Variants in COL8A2 observed in about 807,000 individuals in gnomAD.
COL8A2 encodes the protein collagen alpha-2(VIII) chain.
A neutral mutation model predicts 24.0 loss-of-function variants in COL8A2; 16 were observed. The observed-to-expected ratio is 0.67, with a 90% CI of 0.45 to 1.01. The LOEUF (loss-of-function observed/expected upper bound fraction) is 1.01, where lower values mean the gene tolerates loss of function less well. Ranked by LOEUF, COL8A2 falls within the 50% of genes least tolerant of loss-of-function variation. The pLI is 0.00. For missense variants in COL8A2, 818 were observed against 942.4 expected, an observed-to-expected ratio of 0.87 and a Z score of 1.73; for synonymous variants, 466 against 424.5, an observed-to-expected ratio of 1.10 and a Z score of -1.20.
At chr1:36,105,562 G>A (rs1253021593) in intron 2 of COL8A2, among the ~76,000 whole-genome samples, 1 of 152,232 alleles carries the variant, frequency 6.6e-6, no homozygotes, top group Non-Finnish European at 1.5e-5. Flanking sequence ...ACCCACCGGG[G>A]AATGCTGCTG....
intron 1 of COL8A2, among the ~76,000 whole-genome samples, chr1:36,122,245 A>G (rs1643919367): frequency 6.6e-6 from 1 of 152,094 alleles, no homozygotes; most frequent in African/African-American, 2.4e-5. Context: ...CATTTTAGAG[A>G]TGGGGAAACT....
intron 2 of COL8A2, among the ~76,000 whole-genome samples, chr1:36,100,729 C>T (rs1357781174): frequency 6.6e-6 from 1 of 152,064 alleles, no homozygotes; most frequent in Non-Finnish European, 1.5e-5. Flanking sequence ...TTGTCATCTC[C>T]ATTTTCCAGA....
At chr1:36,121,388 CAAAAAAAAAAAA>C (rs57902365) in intron 1 of COL8A2, among the ~76,000 whole-genome samples, 1 of 47,636 alleles carries the variant, frequency 2.1e-5, no homozygotes. Context: ...GACTCTGTCT[CAAAAAAAAAAAA>C]AAAAAAAAAA....
chr1:36,120,674 G>A (rs1486017713), intron 1 of COL8A2, among the ~76,000 whole-genome samples: 5 of 151,608 alleles, frequency 3.3e-5, no homozygotes, highest in Admixed American at 6.6e-5. Context: ...CTTGAACCCG[G>A]GAGGCAGAGG....
Position 36,115,842 on chromosome 1 carries a change from G to T in COL8A2, c.-61-90C>A. 2 of 730,622 alleles carry T rather than the reference G, an allele frequency of 2.7e-6. No homozygotes were observed. The highest frequency in any genetic ancestry group is 3.3e-6 in the Non-Finnish European group (2 of 597,394). The allele number at this position is 730,622 out of a possible 1,614,324, so 45.3% of individuals were successfully genotyped here. On this transcript the variant is annotated intron_variant, in intron 1 of 3. Coordinates refer to ENST00000397799, the MANE Select transcript of COL8A2 (RefSeq NM_005202.4). The surrounding 1 kb of genome is among the most constrained non-coding windows in gnomAD (Gnocchi z 5.7). ...TTTGGGAGGCTAAGGTGGGAAGACT[G>T]CTTGAGCCCAGGAGTTTGAGACCAG...
chr1:36,097,237 C>G lies in COL8A2; in HGVS notation c.*332G>C. On this transcript the variant is annotated 3_prime_UTR_variant, in exon 4 of 4. Transcript: ENST00000397799. ...GAGCCAGTGGGAAGGGCTGTCTCCC[C>G]ACGTGGCGGGGTGGGGAGTTGAGCT... 1 of 257,178 alleles carries G rather than the reference C, an allele frequency of 3.9e-6. No individual in the cohort carries two copies. Among genetic ancestry groups the G allele is most frequent in the Non-Finnish European group, 7.5e-6 (1 of 133,120 alleles). The allele number at this position is 257,178 out of a possible 1,614,324, so 15.9% of individuals were successfully genotyped here.
chr1:36,102,594 TA>T (rs199880091), intron 2 of COL8A2, among the ~76,000 whole-genome samples: 6 of 144,532 alleles, frequency 4.2e-5, no homozygotes, highest in African/African-American at 1.5e-4. Flanking sequence ...ATGAACACAG[TA>T]AAAAAAAACA....
Position 36,099,213 on chromosome 1 carries a change from T to G in COL8A2, c.468A>C (p.Gly156=), listed in dbSNP as rs745868552. 2.6e-6 allele frequency: 4 copies of G among 1,530,204 alleles called. No individual in the cohort carries two copies. In the South Asian group the frequency reaches 4.8e-5, roughly 18 times the overall value. The allele number at this position is 1,530,204 out of a possible 1,614,324, so 94.8% of individuals were successfully genotyped here. A position where few individuals can be genotyped will look rare whatever the true frequency, so the allele number is the denominator to read the frequency against. The change falls in exon 4 of 4, where the codon GGA becomes GGC. Residue 156 remains glycine, a synonymous_variant. Coordinates refer to ENST00000397799, the MANE Select transcript of COL8A2 (RefSeq NM_005202.4). ...PGIRGDQGLR[G]PPGPPGLPGP... Reference sequence around the variant, plus strand: ...CCGGGAGGCCAGGGGGTCCTGGGGGTCCCCGGAGGCCCTGGTCCCCTCGTA... The same window carrying G: ...CCGGGAGGCCAGGGGGTCCTGGGGGGCCCCGGAGGCCCTGGTCCCCTCGTA...
At chr1:36,120,304 A>C (rs537323510) in intron 1 of COL8A2, among the ~76,000 whole-genome samples, 42 of 152,162 alleles carry the variant, frequency 2.8e-4, no homozygotes, top group African/African-American at 9.2e-4. Context: ...AAATACAAAA[A>C]TTAGCAGAAG....
Position 36,098,167 on chromosome 1 carries a change from G to A in COL8A2, c.1514C>T (p.Pro505Leu). The change falls in exon 4 of 4, where the codon CCC becomes CTC. Residue 505 changes from proline (P) to leucine (L), a missense_variant. Pro to Leu is a moderately conservative substitution (Grantham distance 98). Coordinates refer to ENST00000397799, the MANE Select transcript of COL8A2 (RefSeq NM_005202.4). Reference sequence around the variant, plus strand: ...GCCAGGGACCCCTGGGGGCCCCGTGGGCCCAGCCGTGCCAGGTTCCCCTGC... The same window carrying A: ...GCCAGGGACCCCTGGGGGCCCCGTGAGCCCAGCCGTGCCAGGTTCCCCTGC... ...GRAGEPGTAG[P>L]TGPPGVPGSP... 6.7e-7 allele frequency: 1 copy of A among 1,496,714 alleles called. No individual in the cohort carries two copies. Among genetic ancestry groups the A allele is most frequent in the South Asian group, 1.3e-5 (1 of 79,574 alleles). 92.7% of individuals were successfully genotyped at this position (1,496,714 alleles called of 1,614,324 possible).
intron 2 of COL8A2, among the ~76,000 whole-genome samples, chr1:36,102,344 G>A (rs962620762): frequency 6.6e-6 from 1 of 152,172 alleles, no homozygotes; most frequent in Non-Finnish European, 1.5e-5. Context: ...TAAGGCTGGG[G>A]TGGGGAAGAG....
intron 2 of COL8A2, among the ~76,000 whole-genome samples, chr1:36,103,126 G>A (rs1409158162): frequency 6.6e-6 from 1 of 152,080 alleles, no homozygotes; most frequent in Non-Finnish European, 1.5e-5. Flanking sequence ...GGGACAACAG[G>A]CACATGCCAC....
chr1:36,112,734 T>A (rs555105625), intron 2 of COL8A2, among the ~76,000 whole-genome samples: 11 of 152,282 alleles, frequency 7.2e-5, no homozygotes, highest in Admixed American at 2.0e-4. Context: ...CTATGGAGAC[T>A]CCCACAATGC....
intron 2 of COL8A2, among the ~76,000 whole-genome samples, chr1:36,103,246 T>C (rs1557741158): frequency 6.6e-6 from 1 of 152,168 alleles, no homozygotes; most frequent in Non-Finnish European, 1.5e-5. Flanking sequence ...ATTATAGGCA[T>C]GAGCCACCAT....
At position 36,115,492 on chromosome 1, in the gene COL8A2, T is replaced by C. The variant is rs1387525595; in HGVS notation, c.-17+216A>G. On this transcript the variant is annotated intron_variant, in intron 2 of 3. Transcript: ENST00000397799. The surrounding 1 kb of genome is among the most constrained non-coding windows in gnomAD (Gnocchi z 5.7). ...CCCGCCAAGGAGCCAGGCGAAATAG[T>C]TCACAAATGAGAAAAAGCTGCTTCC... Among the ~76,000 whole-genome samples, 1 of 152,092 alleles carries C rather than the reference T, an allele frequency of 6.6e-6. No individual in the cohort carries two copies. The highest frequency in any genetic ancestry group is 2.4e-5 in the African/African-American group (1 of 41,424).
At position 36,125,154 on chromosome 1, in the gene COL8A2, T is replaced by TGGGGTCC. The variant is rs1643943634; in HGVS notation, c.-166_-160dup. On this transcript the variant is annotated 5_prime_UTR_variant, in exon 1 of 4. Coordinates refer to ENST00000397799, the MANE Select transcript of COL8A2 (RefSeq NM_005202.4). The surrounding 1 kb of genome is among the most constrained non-coding windows in gnomAD (Gnocchi z 4.5). ...GCGTCCGCGGCTGGGCGGGCGGCGT[T>TGGGGTCC]GGGGTCCGGGGTCCGCGCCGGCGGG... is the stretch of plus-strand genomic sequence containing the variant. 1 of 610,676 alleles carries TGGGGTCC rather than the reference T, an allele frequency of 1.6e-6. No homozygotes were observed. The highest frequency in any genetic ancestry group is 1.4e-4 in the East Asian group (1 of 7,024). 37.8% of individuals were successfully genotyped at this position (610,676 alleles called of 1,614,324 possible). A position where few individuals can be genotyped will look rare whatever the true frequency, so the allele number is the denominator to read the frequency against.
chr1:36,120,040 A>G (rs945995822), intron 1 of COL8A2, among the ~76,000 whole-genome samples: 4 of 152,136 alleles, frequency 2.6e-5, no homozygotes, highest in Admixed American at 6.5e-5. Context: ...GGGACCACCA[A>G]GGGTTCCTAG....
At chr1:36,112,172 T>A (rs1643852339) in intron 2 of COL8A2, among the ~76,000 whole-genome samples, 2 of 152,102 alleles carry the variant, frequency 1.3e-5, no homozygotes, top group South Asian at 4.1e-4. Context: ...CCCGGCTATT[T>A]TTTTGTATTT....
In COL8A2 at chr1:36,097,558, C is replaced by CT. The variant is rs763678155; in HGVS notation, c.*10_*11insA. ...GGGAGGAGGCCAGGGCAGCAGGACCCCCCCCGCGGGTTATGTGGGGCAGAG... is the reference window on the plus strand; with the variant it reads ...GGGAGGAGGCCAGGGCAGCAGGACCCTCCCCCGCGGGTTATGTGGGGCAGAG... On this transcript the variant is annotated 3_prime_UTR_variant, in exon 4 of 4. Transcript: ENST00000397799. The CT allele has an allele frequency of 1.0e-4, 165 of 1,581,492 alleles. 3 individuals carry two copies. The South Asian group carries it at 1.1e-3, about 11-fold the overall frequency.
Sources: allele counts gnomAD v4.1 joint callset (sites outside exome capture counted in the v4.1 genomes callset), GRCh38; gene constraint gnomAD v4.1.1; non-coding constraint Gnocchi (gnomAD v3.1); transcripts MANE v1.5; gene names NCBI Gene and HGNC (gene_info 2026-07-23, HGNC 2026-07-21).